BCKDHA: variants seen among roughly 807,000 people sequenced by gnomAD.
The protein encoded by BCKDHA is branched chain keto acid dehydrogenase E1 subunit alpha, also known as 2-oxoisovalerate dehydrogenase subunit alpha, mitochondrial.
A neutral mutation model predicts 52.2 loss-of-function variants in BCKDHA; 43 were observed. The ratio of observed to expected loss-of-function variants is 0.82; its 90% confidence interval spans 0.64 to 1.06. The LOEUF is 1.06. Ranked by LOEUF, BCKDHA falls within the 50% of genes least tolerant of loss-of-function variation. The pLI is 0.00. For missense variants in BCKDHA, 527 were observed against 621.3 expected, an observed-to-expected ratio of 0.85 and a Z score of 1.61; for synonymous variants, 234 against 247.9, an observed-to-expected ratio of 0.94 and a Z score of 0.53.
chr19:41,404,006 T>C (rs868810370), intron 1 of BCKDHA, among the ~76,000 whole-genome samples: 1 of 152,232 alleles, frequency 6.6e-6, no homozygotes, highest in South Asian at 2.1e-4. Flanking sequence ...AGACAGAGTC[T>C]TGCTCTGTTT....
intron 4 of BCKDHA, among the ~76,000 whole-genome samples, chr19:41,415,054 C>T (rs2039293756): frequency 6.6e-6 from 1 of 152,122 alleles, no homozygotes. Flanking sequence ...GGGGACTCGC[C>T]CTGGGACAGC....
At chr19:41,407,508 G>C (rs549125917) in intron 1 of BCKDHA, among the ~76,000 whole-genome samples, 35 of 152,274 alleles carry the variant, frequency 2.3e-4, no homozygotes, top group Middle Eastern at 3.4e-3. Flanking sequence ...GTCTGGCTAT[G>C]CTGGGTACTC....
rs2039221516 is a variant in BCKDHA, at chr19:41,408,804, A to C, written c.109-1833A>C. ...GAGTAATTTTTAAAATTTTTTGTAGAGATGTGATCTCAGGCTGGTCTTGAA... is the reference window on the plus strand; with the variant it reads ...GAGTAATTTTTAAAATTTTTTGTAGCGATGTGATCTCAGGCTGGTCTTGAA... On this transcript the variant is annotated intron_variant, in intron 1 of 8. Transcript: ENST00000269980. Among the ~76,000 whole-genome samples, 3 of 152,000 alleles carry C rather than the reference A, an allele frequency of 2.0e-5. No homozygotes were observed. The South Asian group carries it at 6.2e-4, about 32-fold the overall frequency.
intron 1 of BCKDHA, among the ~76,000 whole-genome samples, chr19:41,409,348 G>C (rs1308259118): frequency 6.6e-6 from 1 of 152,110 alleles, no homozygotes; most frequent in Non-Finnish European, 1.5e-5. Flanking sequence ...TTCTGCTATA[G>C]GATAATATGA....
intron 3 of BCKDHA, among the ~76,000 whole-genome samples, chr19:41,413,021 T>C (rs181171094): frequency 5.6e-4 from 85 of 152,254 alleles, no homozygotes; most frequent in Non-Finnish European, 4.4e-5. Context: ...AGATACATCT[T>C]TAGGAAGTGC....
At chr19:41,416,324 C>T (rs1309322038) in intron 4 of BCKDHA, among the ~76,000 whole-genome samples, 6 of 152,168 alleles carry the variant, frequency 3.9e-5, no homozygotes, top group Non-Finnish European at 8.8e-5. Flanking sequence ...GAGGGCACAC[C>T]GGGTGAGGTT....
chr19:41,397,945 T>C lies in BCKDHA; in HGVS notation c.108+10T>C. 1.2e-6 allele frequency: 2 copies of C among 1,611,806 alleles called. No individual in the cohort carries two copies. Among genetic ancestry groups the C allele is most frequent in the Non-Finnish European group, 1.7e-6 (2 of 1,178,328 alleles). On this transcript the variant is annotated intron_variant, in intron 1 of 8. Transcript: ENST00000269980. Reference sequence around the variant, plus strand: ...GGGACTGGCTAGATCTGTGAGTACCTGGGCCCCAGGCGGTTTTCCCAAAGG... The same window carrying C: ...GGGACTGGCTAGATCTGTGAGTACCCGGGCCCCAGGCGGTTTTCCCAAAGG...
rs2039374030 is a variant in BCKDHA, at chr19:41,422,222, C to A, written c.705C>A (p.Tyr235Ter). Residue 235 changes from tyrosine (Y) to a stop codon, truncating the protein, a stop_gained, in exon 6 of 9, where the codon TAC (tyrosine) becomes TAA (stop). Transcript: ENST00000269980. LOFTEE classifies it high-confidence loss of function. ...RANANRVVIC[Y>*]FGEGAASEGD... The stretch of plus-strand genomic sequence containing the variant: ...ATGCCAACAGGGTCGTCATCTGTTA[C>A]TTCGGCGAGGGGGCAGCCAGTGAGG... 1 of 1,614,188 alleles carries A rather than the reference C, an allele frequency of 6.2e-7. No individual in the cohort carries two copies. The highest frequency in any genetic ancestry group is 2.2e-5 in the East Asian group (1 of 44,892).
In BCKDHA at chr19:41,424,419, C is replaced by T; in HGVS notation, c.1168-19C>T. ...CATGGGAGGCCGGCTAGCCTGCCCA[C>T]TGCCCCATGTCCCCACAGGTGATGG... On this transcript the variant is annotated intron_variant, in intron 8 of 8. Transcript: ENST00000269980. 1 of 1,613,662 alleles carries T rather than the reference C, an allele frequency of 6.2e-7. No homozygotes were observed. The highest frequency in any genetic ancestry group is 8.5e-7 in the Non-Finnish European group (1 of 1,180,028).
rs772010919 is a variant in BCKDHA, at chr19:41,410,676, G to C, written c.148G>C (p.Asp50His). Residue 50 changes from aspartate (D) to histidine (H), a missense_variant, in exon 2 of 9, where the codon GAC (aspartate) becomes CAC (histidine). Coordinates refer to ENST00000269980, the MANE Select transcript of BCKDHA (RefSeq NM_000709.4). ...RQQQQFSSLD[D>H]KPQFPGASAE... is the part of the protein sequence containing the mutation. ...GCAGCAGCAGTTTTCATCTCTGGAT[G>C]ACAAGCCCCAGTTCCCAGGGGCCTC... The C allele has an allele frequency of 5.6e-6, 9 of 1,614,200 alleles. No individual in the cohort carries two copies. The Admixed American group carries it at 1.5e-4, about 27-fold the overall frequency.
intron 1 of BCKDHA, 116 bp from the exon 2 acceptor site, chr19:41,410,521 A>T: frequency 8.6e-7 from 1 of 1,158,632 alleles, no homozygotes; most frequent in Non-Finnish European, 1.3e-6. Context: ...CAGGCCCCAG[A>T]GTTCACTGGG....
intron 1 of BCKDHA, chr19:41,399,969 AGGGACGAGGTTTCACCATGTT>A (rs2039120131): frequency 6.6e-6 from 1 of 150,616 alleles, no homozygotes; most frequent in Admixed American, 6.6e-5. Flanking sequence ...TATTTTTGGT[AGGGACGAGGTTTCACCATGTT>A]GTCCAGGCTG....
At chr19:41,410,852 A>G (rs1205755060) in intron 2 of BCKDHA, 36 bp downstream of exon 2, 1 of 1,612,090 alleles carries the variant, frequency 6.2e-7, no homozygotes, top group African/African-American at 1.3e-5. Context: ...CGTGCCCCCC[A>G]CGCCCAGGCC....
chr19:41,405,749 G>T (rs1265074473), intron 1 of BCKDHA, among the ~76,000 whole-genome samples: 1 of 152,068 alleles, frequency 6.6e-6, no homozygotes, highest in Non-Finnish European at 1.5e-5. Context: ...CACATAATCA[G>T]GCAGCGGTCT....
intron 4 of BCKDHA, among the ~76,000 whole-genome samples, chr19:41,414,480 A>G (rs1486348565): frequency 6.6e-6 from 1 of 152,066 alleles, no homozygotes; most frequent in Non-Finnish European, 1.5e-5. Flanking sequence ...CCTGCATCCA[A>G]GGGTCGCTGG....
In BCKDHA at chr19:41,424,761, C is replaced by T. The variant is rs1183699081; in HGVS notation, c.*153C>T. The stretch of plus-strand genomic sequence containing the variant: ...CCAGGGCGGCTGCCACTCTTCACCC[C>T]TGCTCCTCCCGGCTGTTACATTGTC... On this transcript the variant is annotated 3_prime_UTR_variant, in exon 9 of 9. Transcript: ENST00000269980. 2 of 792,166 alleles carry T rather than the reference C, an allele frequency of 2.5e-6. No individual in the cohort carries two copies. The highest frequency in any genetic ancestry group is 3.0e-5 in the Admixed American group (1 of 32,928). 49.1% of individuals were successfully genotyped at this position (792,166 alleles called of 1,614,324 possible). A position where few individuals can be genotyped will look rare whatever the true frequency, so the allele number is the denominator to read the frequency against.
At chr19:41,415,192 CA>C (rs1407820435) in intron 4 of BCKDHA, among the ~76,000 whole-genome samples, 5 of 152,236 alleles carry the variant, frequency 3.3e-5, no homozygotes, top group Non-Finnish European at 7.3e-5. Context: ...TCTAGGAGGG[CA>C]AACGCCCTGT....
intron 5 of BCKDHA, 87 bp from the exon 6 acceptor site, chr19:41,422,077 C>T (rs1205121233): frequency 1.5e-5 from 20 of 1,363,872 alleles, no homozygotes; most frequent in Non-Finnish European, 1.7e-5. Flanking sequence ...GCCTGAGCCA[C>T]GCTTGAGCCG....
intron 1 of BCKDHA, among the ~76,000 whole-genome samples, chr19:41,410,141 G>A (rs1599952650): frequency 6.6e-6 from 1 of 152,156 alleles, no homozygotes; most frequent in South Asian, 2.1e-4. Flanking sequence ...GAGTAGCTTC[G>A]CTGGTGTATG....
Sources: allele counts gnomAD v4.1 joint callset (sites outside exome capture counted in the v4.1 genomes callset), GRCh38; gene constraint gnomAD v4.1.1; transcripts MANE v1.5; gene names NCBI Gene and HGNC (gene_info 2026-07-23, HGNC 2026-07-21).